Variants in SHANK2 observed in about 807,000 individuals in gnomAD.
SHANK2 encodes SH3 and multiple ankyrin repeat domains 2.
Under a neutral mutation model 133.7 loss-of-function variants are expected in SHANK2, and 43 were observed. That is an observed-to-expected ratio of 0.32 (90% CI 0.25 to 0.41). The LOEUF (loss-of-function observed/expected upper bound fraction) is 0.41. SHANK2 is among the 10% of genes least tolerant of loss of function. The probability of loss-of-function intolerance (pLI) is 1.00; values close to 1 mark genes in which losing one functional copy is unlikely to be tolerated. For synonymous variants in SHANK2, 1,017 were observed against 952.8 expected (o/e 1.07, Z -1.24); for missense variants, 1,994 against 2,235.8 (o/e 0.89, Z 2.18).
chr11:71,141,777 G>T (rs1329974650), intron 3 of SHANK2, among the ~76,000 whole-genome samples: 1 of 151,930 alleles, frequency 6.6e-6, no homozygotes, highest in Non-Finnish European at 1.5e-5. Flanking sequence ...GCAAACAGAT[G>T]GCCAAATCTA....
intron 14 of SHANK2, among the ~76,000 whole-genome samples, chr11:70,781,558 T>TGATATATATATATATATATA (rs1555045157): frequency 6.9e-5 from 2 of 28,968 alleles, no homozygotes; most frequent in Admixed American, 7.4e-4. Flanking sequence ...TACTTACTTA[T>TGATATATATATATATATATA]TATATATATA....
At chr11:70,619,531 A>T (rs2060801957) in intron 17 of SHANK2, among the ~76,000 whole-genome samples, 1 of 152,216 alleles carries the variant, frequency 6.6e-6, no homozygotes, top group Non-Finnish European at 1.5e-5. Context: ...TGATTGCAGC[A>T]AGATCCCTCA....
In SHANK2 at chr11:70,743,819, G is replaced by A. The variant is rs1235413597; in HGVS notation, c.1778-45056C>T. ...TTCCTGTGGATTCAGGCTCCAAAAC[G>A]TCTTTCTTTCTCAGGTCTCCTTCCC... On this transcript the variant is annotated intron_variant, in intron 14 of 25. Transcript: ENST00000601538. Among the ~76,000 whole-genome samples, 4 of 152,228 alleles carry A rather than the reference G, an allele frequency of 2.6e-5. No homozygotes were observed. The South Asian group carries it at 6.2e-4, about 24-fold the overall frequency.
chr11:70,941,205 C>A (rs905916968), intron 10 of SHANK2, among the ~76,000 whole-genome samples: 1 of 152,150 alleles, frequency 6.6e-6, no homozygotes, highest in African/African-American at 2.4e-5. Context: ...AGTGGATACT[C>A]AATACACGTA....
rs371043514 is a variant in SHANK2, at chr11:70,882,881, C to T, written c.1174+13620G>A. ...GGAGTGAGGGGAGGTCCTGAGGAAACAGCTGCAGGTGAACAGCAAACTGCA... is the reference window on the plus strand; with the variant it reads ...GGAGTGAGGGGAGGTCCTGAGGAAATAGCTGCAGGTGAACAGCAAACTGCA... On this transcript the variant is annotated intron_variant, in intron 11 of 25. Coordinates refer to ENST00000601538, the MANE Select transcript of SHANK2 (RefSeq NM_012309.5). The surrounding 1 kb of genome is among the most constrained non-coding windows in gnomAD (Gnocchi z 4.2). Among the ~76,000 whole-genome samples, 2 of 152,154 alleles carry T rather than the reference C, an allele frequency of 1.3e-5. No individual in the cohort carries two copies. Among genetic ancestry groups the T allele is most frequent in the Admixed American group, 6.5e-5 (1 of 15,284 alleles).
intron 15 of SHANK2, among the ~76,000 whole-genome samples, chr11:70,670,831 G>A (rs1468404916): frequency 1.3e-5 from 2 of 152,312 alleles, no homozygotes; most frequent in Admixed American, 1.3e-4. Context: ...CTGCACGGAG[G>A]GGACTCCTCC....
intron 2 of SHANK2, among the ~76,000 whole-genome samples, chr11:71,154,113 A>AT (rs1555108619): frequency 6.6e-6 from 1 of 152,218 alleles, no homozygotes; most frequent in African/African-American, 2.4e-5. Flanking sequence ...GGAAACCGAG[A>AT]TTTTGTGACT....
At chr11:70,750,517 A>G (rs1946732911) in intron 14 of SHANK2, among the ~76,000 whole-genome samples, 1 of 152,192 alleles carries the variant, frequency 6.6e-6, no homozygotes, top group Non-Finnish European at 1.5e-5. Flanking sequence ...CATTTGCAGT[A>G]AGTTTATGGC....
At chr11:71,101,001 A>G (rs10751015) in intron 6 of SHANK2, among the ~76,000 whole-genome samples, 152,251 of 152,252 alleles carry the variant, frequency 1, 76,125 homozygotes, top group Non-Finnish European at 1. Flanking sequence ...TATGCTGTGT[A>G]ATTCTGTAAT....
At chr11:70,728,046 G>A (rs577400478) in intron 14 of SHANK2, among the ~76,000 whole-genome samples, 1 of 152,354 alleles carries the variant, frequency 6.6e-6, no homozygotes, top group South Asian at 2.1e-4. Flanking sequence ...TGGAAAAGGA[G>A]AGTAAATGAA....
intron 5 of SHANK2, 60 bp downstream of exon 5, chr11:71,113,233 A>G: frequency 1.4e-6 from 2 of 1,424,158 alleles, no homozygotes; most frequent in Non-Finnish European, 1.9e-6. Flanking sequence ...ATAACACAAC[A>G]AGATAACAAG....
At chr11:71,150,324 C>CAGGGAGGGAG (rs1384398903) in intron 2 of SHANK2, among the ~76,000 whole-genome samples, 1 of 38,750 alleles carries the variant, frequency 2.6e-5, no homozygotes, top group Admixed American at 3.1e-4. Context: ...CAGGGAGGGA[C>CAGGGAGGGAG]AGGGAGGGAG....
At chr11:70,737,871 A>G (rs1332341115) in intron 14 of SHANK2, among the ~76,000 whole-genome samples, 1 of 152,240 alleles carries the variant, frequency 6.6e-6, no homozygotes, top group Non-Finnish European at 1.5e-5. Flanking sequence ...AAATGAAAAA[A>G]CACTAAGTAT....
intron 17 of SHANK2, among the ~76,000 whole-genome samples, chr11:70,547,009 C>T (rs915000497): frequency 3.9e-5 from 6 of 152,184 alleles, no homozygotes; most frequent in South Asian, 2.1e-4. Context: ...CTCCCACCCC[C>T]ACCTGGGATG....
chr11:71,247,237 GA>G (rs1179884525), intron 1 of SHANK2, among the ~76,000 whole-genome samples: 1 of 152,234 alleles, frequency 6.6e-6, no homozygotes, highest in Non-Finnish European at 1.5e-5. Flanking sequence ...AGTGGGTAAA[GA>G]GTCAGGCAAC....
chr11:70,580,385 C>G (rs147397652), intron 17 of SHANK2, among the ~76,000 whole-genome samples: 5 of 152,376 alleles, frequency 3.3e-5, no homozygotes, highest in Non-Finnish European at 7.3e-5. Context: ...CAGGGTGTCT[C>G]TGAACATCCC....
At chr11:70,863,991 C>T in intron 11 of SHANK2, 1 of 390,806 alleles carries the variant, frequency 2.6e-6, no homozygotes, top group Admixed American at 3.1e-5. Context: ...ATGGCAGCCC[C>T]AGCAAACAAA....
At chr11:71,088,492 T>G (rs1951448896) in intron 8 of SHANK2, among the ~76,000 whole-genome samples, 1 of 152,130 alleles carries the variant, frequency 6.6e-6, no homozygotes, top group Non-Finnish European at 1.5e-5. Flanking sequence ...CATTATCCAT[T>G]TGGCCAGGCG....
intron 6 of SHANK2, among the ~76,000 whole-genome samples, chr11:71,099,071 G>T (rs1555096171): frequency 6.6e-6 from 1 of 152,102 alleles, no homozygotes; most frequent in East Asian, 1.9e-4. Context: ...CCCTAATCGT[G>T]AAAACACCAG....
Sources: allele counts gnomAD v4.1 joint callset (sites outside exome capture counted in the v4.1 genomes callset), GRCh38; gene constraint gnomAD v4.1.1; non-coding constraint Gnocchi (gnomAD v3.1); transcripts MANE v1.5; gene names NCBI Gene and HGNC (gene_info 2026-07-23, HGNC 2026-07-21).